The following LYST variants were observed in gnomAD, a reference collection of about 807,000 sequenced individuals.
LYST encodes the protein lysosomal-trafficking regulator.
A neutral mutation model predicts 413.6 loss-of-function variants in LYST; 192 were observed. That is an observed-to-expected ratio of 0.46 (90% confidence interval 0.41 to 0.52). LYST has a LOEUF of 0.52. Ranked by LOEUF, LYST falls within the 20% of genes least tolerant of loss-of-function variation. The pLI is 0.00. For missense variants in LYST, 3,815 were observed against 4,499.9 expected (o/e 0.85, Z 4.35); for synonymous variants, 1,525 against 1,567.3 (o/e 0.97, Z 0.64).
chr1:235,792,768 A>G (rs1226920944), intron 11 of LYST, among the ~76,000 whole-genome samples: 1 of 151,548 alleles, frequency 6.6e-6, no homozygotes, highest in African/African-American at 2.4e-5. Flanking sequence ...GGTTCAAGCA[A>G]TTCTCCTGCC....
chr1:235,749,865 A>T (rs1161411906), intron 28 of LYST, among the ~76,000 whole-genome samples: 1 of 152,188 alleles, frequency 6.6e-6, no homozygotes, highest in Non-Finnish European at 1.5e-5. Flanking sequence ...GAGACTAAAG[A>T]CTGCTAGAGA....
chr1:235,865,055 C>T (rs1312966757), intron 1 of LYST, among the ~76,000 whole-genome samples: 1 of 152,202 alleles, frequency 6.6e-6, no homozygotes, highest in Non-Finnish European at 1.5e-5. Flanking sequence ...ACCACACTCA[C>T]CTCTTTGACT....
chr1:235,792,470 A>AC (rs1671111422), intron 11 of LYST, among the ~76,000 whole-genome samples: 1 of 150,676 alleles, frequency 6.6e-6, no homozygotes, highest in African/African-American at 2.4e-5. Context: ...ACCCACCACC[A>AC]CCCCCAGCTA....
Position 235,777,201 on chromosome 1 carries a change from G to C in LYST, c.5322C>G (p.Pro1774=). Residue 1774 remains proline (P), a synonymous_variant, in exon 17 of 53, where the codon CCC becomes CCG. Coordinates refer to ENST00000389793, the MANE Select transcript of LYST (RefSeq NM_000081.4). ...TGCTCTGAACTTCTTTTGAGCTGAA[G>C]GGTCTTTGAGAGAGTTGGGTTTTCA... ...GQMKTQLSQR[P]FSSKEVQSIL... is the part of the protein sequence containing the mutation. The C allele has an allele frequency of 6.2e-7, 1 of 1,613,740 alleles. No homozygotes were observed. Among genetic ancestry groups the C allele is most frequent in the African/African-American group, 1.3e-5 (1 of 74,996 alleles).
In LYST at chr1:235,703,202, T is replaced by C. The variant is rs558918426; in HGVS notation, c.10144-225A>G. On this transcript the variant is annotated intron_variant, in intron 44 of 52. Coordinates refer to ENST00000389793, the MANE Select transcript of LYST (RefSeq NM_000081.4). ...CTTGACTGATGGTTATAATTAGTTA[T>C]GTTTATAAAATTAGCTTTTAATTTA... is the stretch of plus-strand genomic sequence containing the variant. 9.2e-5 allele frequency among the ~76,000 whole-genome samples: 14 copies of C among 152,332 alleles called. No individual in the cohort carries two copies. In the South Asian group the frequency reaches 2.7e-3, roughly 29 times the overall value.
chr1:235,715,123 C>T, intron 42 of LYST, 78 bp downstream of exon 42: 1 of 1,201,320 alleles, frequency 8.3e-7, no homozygotes, highest in Non-Finnish European at 1.2e-6. Flanking sequence ...CTTAAAATGT[C>T]AGTCCTAAGT....
At chr1:235,852,912 C>T (rs536476198) in intron 1 of LYST, 4 of 169,884 alleles carry the variant, frequency 2.4e-5, no homozygotes, top group African/African-American at 9.6e-5. Context: ...ATACTGCATA[C>T]AATTTTTGAC....
chr1:235,847,543 G>A (rs369001190), intron 1 of LYST, among the ~76,000 whole-genome samples: 1 of 152,064 alleles, frequency 6.6e-6, no homozygotes, highest in African/African-American at 2.4e-5. Context: ...GAACCATACC[G>A]CACATTTCAA....
At chr1:235,800,842 G>T in intron 9 of LYST, 29 bp downstream of exon 9, 2 of 1,420,330 alleles carry the variant, frequency 1.4e-6, no homozygotes, top group South Asian at 2.3e-5. Context: ...GATAAATATT[G>T]ATCACATTTA....
At chr1:235,676,451 A>C (rs1393451803) in intron 50 of LYST, among the ~76,000 whole-genome samples, 2 of 152,224 alleles carry the variant, frequency 1.3e-5, no homozygotes, top group African/African-American at 4.8e-5. Context: ...GATTCACAGC[A>C]ATCAATGACA....
chr1:235,801,418 C>G (rs569366396), intron 8 of LYST, among the ~76,000 whole-genome samples: 16 of 151,642 alleles, frequency 1.1e-4, no homozygotes, highest in African/African-American at 3.6e-4. Flanking sequence ...CTTTCTGACC[C>G]CCCCCTCAAA....
intron 48 of LYST, among the ~76,000 whole-genome samples, chr1:235,679,511 A>G (rs1659645988): frequency 6.6e-6 from 1 of 151,986 alleles, no homozygotes. Flanking sequence ...TAACTTTTTC[A>G]TAAATTTATT....
chr1:235,881,688 C>A (rs1319924236), intron 1 of LYST, among the ~76,000 whole-genome samples: 2 of 151,970 alleles, frequency 1.3e-5, no homozygotes, highest in Non-Finnish European at 2.9e-5. Context: ...TATTATTCAA[C>A]CTTAAAAAGA....
chr1:235,881,174 G>A (rs1017141930), intron 1 of LYST, among the ~76,000 whole-genome samples: 57 of 152,130 alleles, frequency 3.7e-4, no homozygotes, highest in Admixed American at 2.6e-4. Flanking sequence ...TATCTTAAAA[G>A]AATTTTCTCC....
At chr1:235,708,208 G>T (rs1175090220) in intron 44 of LYST, among the ~76,000 whole-genome samples, 1 of 151,998 alleles carries the variant, frequency 6.6e-6, no homozygotes, top group Non-Finnish European at 1.5e-5. Context: ...GAAGTCTAAA[G>T]GTGCTTTCAC....
At chr1:235,862,599 C>T (rs1484776336) in intron 1 of LYST, among the ~76,000 whole-genome samples, 1 of 152,056 alleles carries the variant, frequency 6.6e-6, no homozygotes, top group Admixed American at 6.5e-5. Flanking sequence ...AGTTCGAGAC[C>T]AGCCTGGGCA....
chr1:235,831,006 G>A (rs530197848), intron 2 of LYST, among the ~76,000 whole-genome samples: 2 of 152,144 alleles, frequency 1.3e-5, no homozygotes, highest in South Asian at 4.1e-4. Context: ...AGGGAAATAA[G>A]CTACAGCAAA....
chr1:235,727,606 CA>C, intron 38 of LYST, among the ~76,000 whole-genome samples: 1 of 151,938 alleles, frequency 6.6e-6, no homozygotes, highest in Non-Finnish European at 1.5e-5. Flanking sequence ...CTTTATTATA[CA>C]AAAAATATGT....
At chr1:235,781,231 T>C (rs1421871255) in intron 15 of LYST, among the ~76,000 whole-genome samples, 176 bp from the exon 16 acceptor site, 2 of 152,186 alleles carry the variant, frequency 1.3e-5, no homozygotes, top group Non-Finnish European at 2.9e-5. Context: ...ATAACCTATG[T>C]CAACTATGAT....
Sources: allele counts gnomAD v4.1 joint callset (sites outside exome capture counted in the v4.1 genomes callset), GRCh38; gene constraint gnomAD v4.1.1; transcripts MANE v1.5; gene names NCBI Gene and HGNC (gene_info 2026-07-23, HGNC 2026-07-21).